Variants in BNIP3L observed in about 807,000 individuals in gnomAD.
BNIP3L encodes BCL2/adenovirus E1B 19 kDa protein-interacting protein 3-like.
A neutral mutation model predicts 25.5 loss-of-function variants in BNIP3L; 10 were observed. That is an observed-to-expected ratio of 0.39 (90% CI 0.24 to 0.67). The LOEUF is 0.67. Ranked by LOEUF, BNIP3L falls within the 30% of genes least tolerant of loss-of-function variation. The pLI, the probability that BNIP3L is intolerant of heterozygous loss-of-function variation, is 0.45. For missense variants in BNIP3L, 215 were observed against 270.9 expected, an observed-to-expected ratio of 0.79 and a Z score of 1.45; for synonymous variants, 113 against 101.2, an observed-to-expected ratio of 1.12 and a Z score of -0.70.
intron 5 of BNIP3L, among the ~76,000 whole-genome samples, chr8:26,410,124 C>T (rs1270279770): frequency 2.6e-5 from 4 of 152,112 alleles, no homozygotes; most frequent in Admixed American, 2.6e-4. Context: ...AATCACTACC[C>T]CTTTGCTGTC....
chr8:26,385,054 T>G (rs945521878), intron 1 of BNIP3L, among the ~76,000 whole-genome samples: 2 of 152,096 alleles, frequency 1.3e-5, no homozygotes, highest in Admixed American at 6.5e-5. Flanking sequence ...GTGCTGGGAT[T>G]ACAGGCTTGA....
intron 3 of BNIP3L, among the ~76,000 whole-genome samples, chr8:26,407,109 G>A (rs1024666322): frequency 3.3e-5 from 5 of 151,222 alleles, no homozygotes; most frequent in South Asian, 2.1e-4. Context: ...AGGCTCAAGC[G>A]ATTCTTCTGC....
At chr8:26,409,111 T>A (rs888646072) in intron 5 of BNIP3L, among the ~76,000 whole-genome samples, 1 of 151,976 alleles carries the variant, frequency 6.6e-6, no homozygotes. Flanking sequence ...AACTGGTAGG[T>A]TGATTGGTGC....
At chr8:26,410,257 A>T in intron 5 of BNIP3L, 107 bp from the exon 6 acceptor site, 3 of 1,309,476 alleles carry the variant, frequency 2.3e-6, no homozygotes, top group Non-Finnish European at 3.2e-6. Flanking sequence ...ACAAACCTTT[A>T]GAGCCTTTTA....
intron 3 of BNIP3L, 71 bp downstream of exon 3, chr8:26,395,373 AAAAT>A (rs1336724806): frequency 2.0e-6 from 3 of 1,492,706 alleles, no homozygotes; most frequent in Non-Finnish European, 1.8e-6. Context: ...ATATTTTGCT[AAAAT>A]AAATGTGAAG....
intron 2 of BNIP3L, among the ~76,000 whole-genome samples, chr8:26,394,771 A>G (rs1426700049): frequency 1.3e-5 from 2 of 152,216 alleles, no homozygotes; most frequent in African/African-American, 4.8e-5. Flanking sequence ...GTATTGAGAA[A>G]GGAACTGTAA....
intron 2 of BNIP3L, among the ~76,000 whole-genome samples, chr8:26,391,688 A>C (rs952820820): frequency 6.6e-6 from 1 of 152,186 alleles, no homozygotes; most frequent in African/African-American, 2.4e-5. Flanking sequence ...TATCAGTTTA[A>C]AATTCAGTGG....
intron 2 of BNIP3L, among the ~76,000 whole-genome samples, chr8:26,391,958 C>T (rs1289246477): frequency 2.0e-5 from 3 of 152,184 alleles, no homozygotes; most frequent in African/African-American, 7.2e-5. Flanking sequence ...AATATTTGCA[C>T]AGTTGGAAGC....
chr8:26,388,564 C>T (rs1806039213), intron 1 of BNIP3L, among the ~76,000 whole-genome samples: 1 of 152,102 alleles, frequency 6.6e-6, no homozygotes, highest in African/African-American at 2.4e-5. Context: ...TTTTACTAAG[C>T]TTTTCTAGGT....
Position 26,390,531 on chromosome 8 carries a change from A to G in BNIP3L, c.101-712A>G, listed in dbSNP as rs150711610. On this transcript the variant is annotated intron_variant, in intron 1 of 5. Coordinates refer to ENST00000380629, the MANE Select transcript of BNIP3L (RefSeq NM_004331.3). ...CAAGTTCACAAGGTATGTTTAGTGT[A>G]TAAAAAAGGAGAAGGACTAGAAAGC... 553 of 985,412 alleles carry G rather than the reference A, an allele frequency of 5.6e-4. 1 individual carries two copies. The African/African-American group carries it at 8.8e-3, about 16-fold the overall frequency. 61.0% of individuals were successfully genotyped at this position (985,412 alleles called of 1,614,324 possible). A position where few individuals can be genotyped will look rare whatever the true frequency, so the allele number is the denominator to read the frequency against.
At chr8:26,384,853 C>T (rs990959795) in intron 1 of BNIP3L, among the ~76,000 whole-genome samples, 122 of 151,886 alleles carry the variant, frequency 8.0e-4, no homozygotes, top group Non-Finnish European at 3.1e-4. Flanking sequence ...GCCTGCCACC[C>T]GCCCAGCTAA....
intron 2 of BNIP3L, among the ~76,000 whole-genome samples, chr8:26,394,141 A>G (rs1806176824): frequency 6.6e-6 from 1 of 152,154 alleles, no homozygotes. Flanking sequence ...CAGTTTTTAT[A>G]CAAGAAATCA....
At chr8:26,407,429 G>A (rs936178357) in intron 3 of BNIP3L, among the ~76,000 whole-genome samples, 7 of 151,594 alleles carry the variant, frequency 4.6e-5, no homozygotes, top group Admixed American at 6.6e-5. Context: ...CTTGTGATCC[G>A]CTCACCTCGG....
chr8:26,404,418 G>A (rs2075915954), intron 3 of BNIP3L, among the ~76,000 whole-genome samples: 2 of 152,132 alleles, frequency 1.3e-5, no homozygotes, highest in Admixed American at 1.3e-4. Context: ...CATATTTAGA[G>A]GACAGAGTGA....
intron 2 of BNIP3L, 46 bp from the exon 3 acceptor site, chr8:26,395,184 G>T: frequency 1.9e-6 from 3 of 1,592,070 alleles, no homozygotes; most frequent in Non-Finnish European, 2.6e-6. Context: ...TAAGTCATTT[G>T]ACAAAGTGAG....
chr8:26,398,958 A>G (rs1377771301), intron 3 of BNIP3L, among the ~76,000 whole-genome samples: 1 of 151,358 alleles, frequency 6.6e-6, no homozygotes, highest in Admixed American at 6.6e-5. Context: ...CCAGGACCAG[A>G]TGGATTCACA....
intron 2 of BNIP3L, among the ~76,000 whole-genome samples, chr8:26,391,683 G>A (rs2117470254): frequency 6.6e-6 from 1 of 152,250 alleles, no homozygotes; most frequent in Middle Eastern, 3.4e-3. Flanking sequence ...CAGTTTATCA[G>A]TTTAAAATTC....
intron 5 of BNIP3L, among the ~76,000 whole-genome samples, chr8:26,409,033 G>A (rs1806563768): frequency 6.6e-6 from 1 of 151,584 alleles, no homozygotes; most frequent in Admixed American, 6.6e-5. Context: ...TACATTTTGT[G>A]GTCAGTGCAA....
At chr8:26,392,781 G>A (rs1806142600) in intron 2 of BNIP3L, among the ~76,000 whole-genome samples, 1 of 151,968 alleles carries the variant, frequency 6.6e-6, no homozygotes, top group Admixed American at 6.6e-5. Context: ...TGCTTGTTAT[G>A]GCCTGTCAAC....
Sources: allele counts gnomAD v4.1 joint callset (sites outside exome capture counted in the v4.1 genomes callset), GRCh38; gene constraint gnomAD v4.1.1; transcripts MANE v1.5; gene names NCBI Gene and HGNC (gene_info 2026-07-23, HGNC 2026-07-21).